APP: variants seen among roughly 807,000 people sequenced by gnomAD.
APP encodes amyloid-beta precursor protein.
A neutral mutation model predicts 101.4 loss-of-function variants in APP; 31 were observed. The observed-to-expected ratio is 0.31, with a 90% CI of 0.23 to 0.41. APP has a LOEUF of 0.41. Among genes scored for constraint, APP ranks in the 10% least tolerant of loss-of-function variants. The pLI is 1.00. For synonymous variants in APP, 366 were observed against 364.4 expected (o/e 1.00, Z -0.05); for missense variants, 839 against 1,003.7 (o/e 0.84, Z 2.22).
At chr21:25,953,375 A>C (rs1197432007) in intron 13 of APP, among the ~76,000 whole-genome samples, 2 of 146,410 alleles carry the variant, frequency 1.4e-5, no homozygotes, top group Non-Finnish European at 3.0e-5. Context: ...AAATCAGGAA[A>C]GAATGAGCAG....
intron 13 of APP, among the ~76,000 whole-genome samples, chr21:25,948,924 T>G (rs945129143): frequency 2.0e-5 from 3 of 152,160 alleles, no homozygotes; most frequent in Non-Finnish European, 2.9e-5. Flanking sequence ...ATATGAACAC[T>G]GAAGAGGAGC....
chr21:26,023,680 G>C (rs1601243102), intron 5 of APP, among the ~76,000 whole-genome samples: 1 of 152,274 alleles, frequency 6.6e-6, no homozygotes, highest in East Asian at 1.9e-4. Context: ...TCCAGCCAGG[G>C]AGACAAAGAC....
In APP at chr21:25,881,604, TG is replaced by T; in HGVS notation, c.*65del. 6.6e-7 allele frequency: 1 copy of T among 1,519,610 alleles called. No homozygotes were observed. The allele number at this position is 1,519,610 out of a possible 1,614,324, so 94.1% of individuals were successfully genotyped here. A position where few individuals can be genotyped will look rare whatever the true frequency, so the allele number is the denominator to read the frequency against. On this transcript the variant is annotated 3_prime_UTR_variant, in exon 18 of 18. Coordinates refer to ENST00000346798, the MANE Select transcript of APP (RefSeq NM_000484.4). Reference sequence around the variant, plus strand: ...GTTTCTTCCCACATTATTCTATAAATGGACACCGATGGGTAGTGAAGCAATG... The same window carrying T: ...GTTTCTTCCCACATTATTCTATAAATGACACCGATGGGTAGTGAAGCAATG...
chr21:26,164,528 TAATC>T (rs1173092478), intron 1 of APP, among the ~76,000 whole-genome samples: 1 of 152,186 alleles, frequency 6.6e-6, no homozygotes, highest in East Asian at 1.9e-4. Flanking sequence ...TAATAGTTAA[TAATC>T]AAGCCAGTGT....
chr21:26,059,890 C>CAAAAAAAAAAAAAAAAAAA (rs57594630), intron 3 of APP, among the ~76,000 whole-genome samples: 10 of 70,658 alleles, frequency 1.4e-4, no homozygotes, highest in East Asian at 1.1e-3. Flanking sequence ...GACTCCGTCT[C>CAAAAAAAAAAAAAAAAAAA]AAAAAAAAAA....
intron 6 of APP, among the ~76,000 whole-genome samples, chr21:26,016,703 C>A (rs749509566): frequency 1.3e-5 from 2 of 152,188 alleles, no homozygotes; most frequent in Non-Finnish European, 2.9e-5. Context: ...TCCTGTGTAG[C>A]TAGGATTACA....
At chr21:25,946,362 T>G (rs2146453791) in intron 13 of APP, among the ~76,000 whole-genome samples, 1 of 152,322 alleles carries the variant, frequency 6.6e-6, no homozygotes, top group South Asian at 2.1e-4. Context: ...ATAAAAATTC[T>G]TACAACTCAA....
chr21:25,959,278 C>G (rs571489076), intron 11 of APP, among the ~76,000 whole-genome samples: 2 of 152,076 alleles, frequency 1.3e-5, no homozygotes, highest in Admixed American at 1.3e-4. Context: ...ACTAAAAATA[C>G]AAAAATTAGC....
rs1179686174 is a variant in APP at position 25,975,237 on chromosome 21, A to G, written c.1300-9T>C. 6.2e-7 allele frequency: 1 copy of G among 1,614,204 alleles called. No individual in the cohort carries two copies. Among genetic ancestry groups the G allele is most frequent in the South Asian group, 1.1e-5 (1 of 91,088 alleles). ...ACTTTCTCCTGGAAATGCTGCCATC[A>G]TAAACACATATGTCCATGGGGACTG... On this transcript the variant is annotated splice_polypyrimidine_tract_variant and intron_variant, in intron 10 of 17. Transcript: ENST00000346798.
intron 1 of APP, among the ~76,000 whole-genome samples, chr21:26,165,151 G>T (rs926747812): frequency 6.6e-6 from 1 of 152,142 alleles, no homozygotes; most frequent in African/African-American, 2.4e-5. Context: ...TCCTGCAATA[G>T]TCTTAATTGG....
intron 1 of APP, among the ~76,000 whole-genome samples, chr21:26,136,164 G>GAAAAA (rs756453136): frequency 1.2e-5 from 1 of 81,008 alleles, no homozygotes; most frequent in Non-Finnish European, 2.4e-5. Context: ...GAAAAGAAAA[G>GAAAAA]AAAGAAAAGA....
intron 1 of APP, among the ~76,000 whole-genome samples, chr21:26,130,804 C>CCCTT (rs766379135): frequency 6.6e-5 from 10 of 152,092 alleles, no homozygotes; most frequent in Non-Finnish European, 1.2e-4. Flanking sequence ...TAGTAGCCTT[C>CCCTT]CCTTCCTTCC....
chr21:26,050,723 G>A (rs2045802120), intron 5 of APP, among the ~76,000 whole-genome samples: 1 of 152,032 alleles, frequency 6.6e-6, no homozygotes, highest in Admixed American at 6.6e-5. Context: ...TCAACTCCCT[G>A]TTAGAACTAC....
intron 16 of APP, among the ~76,000 whole-genome samples, chr21:25,895,751 T>TAAAC (rs2037998793): frequency 6.6e-6 from 1 of 152,212 alleles, no homozygotes; most frequent in Admixed American, 6.5e-5. Flanking sequence ...TTCCCTTTAC[T>TAAAC]AAACAAATAT....
chr21:26,016,107 T>C (rs2044046820), intron 6 of APP, among the ~76,000 whole-genome samples: 1 of 152,142 alleles, frequency 6.6e-6, no homozygotes, highest in Non-Finnish European at 1.5e-5. Flanking sequence ...CTCAGCTCAC[T>C]GCAACCTCCG....
chr21:25,926,247 A>G lies in APP; in HGVS notation c.1688-14285T>C, dbSNP rs1271961579. 2.6e-5 allele frequency among the ~76,000 whole-genome samples: 4 copies of G among 152,224 alleles called. No individual in the cohort carries two copies. In the East Asian group the frequency reaches 7.7e-4, roughly 29 times the overall value. ...AAACTTCATTGCTGGGTTTCCCAGA[A>G]AAGAGCAGCTCTCCCCTACTGAAGA... On this transcript the variant is annotated intron_variant, in intron 13 of 17. Coordinates refer to ENST00000346798, the MANE Select transcript of APP (RefSeq NM_000484.4).
intron 13 of APP, among the ~76,000 whole-genome samples, chr21:25,943,901 T>C (rs1569087674): frequency 1.3e-5 from 2 of 152,160 alleles, no homozygotes; most frequent in Non-Finnish European, 2.9e-5. Flanking sequence ...TCATAAGCTT[T>C]AACAATTAAA....
Position 26,016,951 on chromosome 21 carries a change from C to T in APP, c.865+4889G>A, listed in dbSNP as rs368326647. 3.3e-4 allele frequency among the ~76,000 whole-genome samples: 6 copies of T among 18,444 alleles called. No homozygotes were observed. In the East Asian group the frequency reaches 0.014, roughly 42 times the overall value. 12.1% of individuals were successfully genotyped at this position (18,444 alleles called of 152,430 possible). A position where few individuals can be genotyped will look rare whatever the true frequency, so the allele number is the denominator to read the frequency against. Reference sequence around the variant, plus strand: ...TTTGTGGGGGGCGGGGGGCGGGGGGCGGGGGGTGCCGCCAAGGTGGGCAGA... The same window carrying T: ...TTTGTGGGGGGCGGGGGGCGGGGGGTGGGGGGTGCCGCCAAGGTGGGCAGA... On this transcript the variant is annotated intron_variant, in intron 6 of 17. Transcript: ENST00000346798.
In APP at chr21:25,911,850, C is replaced by T. The variant is rs138434918; in HGVS notation, c.1800G>A (p.Thr600=). 3.2e-5 allele frequency: 52 copies of T among 1,614,172 alleles called. No homozygotes were observed. In the African/African-American group the frequency reaches 6.0e-4, roughly 19 times the overall value. The part of the protein sequence containing the change: ...NDALMPSLTE[T]KTTVELLPVN... The stretch of plus-strand genomic sequence containing the variant: ...CGGGAAGGAGCTCCACGGTGGTTTT[C>T]GTTTCGGTCAAAGATGGCATGAGAG... The change falls in exon 14 of 18, where the codon ACG becomes ACA. Residue 600 remains threonine (T), a synonymous_variant. Coordinates refer to ENST00000346798, the MANE Select transcript of APP (RefSeq NM_000484.4).
Sources: gnomAD v4.1 joint callset for allele counts (sites outside exome capture counted in the v4.1 genomes callset) on GRCh38, gnomAD v4.1.1 for gene constraint, MANE v1.5 for transcripts, NCBI Gene and HGNC (gene_info 2026-07-23, HGNC 2026-07-21) for gene names.